CISD2: variants seen among roughly 807,000 people sequenced by gnomAD.
CISD2 encodes the protein CDGSH iron-sulfur domain-containing protein 2.
CISD2 carries 1 observed loss-of-function variant against 12.9 expected under a neutral mutation model. The ratio of observed to expected loss-of-function variants is 0.08; its 90% confidence interval spans 0.03 to 0.37. The LOEUF is 0.37. Among genes scored for constraint, CISD2 ranks in the 10% least tolerant of loss-of-function variants. The pLI, the probability that CISD2 is intolerant of heterozygous loss-of-function variation, is 0.99. For missense variants in CISD2, 97 were observed against 163.1 expected (o/e 0.59, Z 2.21); for synonymous variants, 50 against 60.6 (o/e 0.83, Z 0.81).
At chr4:102,869,892 T>C (rs1294422598) in intron 1 of CISD2, among the ~76,000 whole-genome samples, 1 of 152,212 alleles carries the variant, frequency 6.6e-6, no homozygotes, top group Non-Finnish European at 1.5e-5. Context: ...CGTTCTATAC[T>C]TAAGGACCCT....
At chr4:102,872,295 C>G (rs1437428477) in intron 1 of CISD2, among the ~76,000 whole-genome samples, 1 of 152,138 alleles carries the variant, frequency 6.6e-6, no homozygotes, top group Non-Finnish European at 1.5e-5. Flanking sequence ...GTCTTGAACT[C>G]CTGACCTCAG....
intron 1 of CISD2, among the ~76,000 whole-genome samples, chr4:102,870,770 C>T (rs1188898769): frequency 6.6e-6 from 1 of 152,156 alleles, no homozygotes; most frequent in African/African-American, 2.4e-5. Flanking sequence ...AAGTACTTTA[C>T]ATATTTTAAT....
At chr4:102,885,473 A>G in intron 2 of CISD2, 43 bp downstream of exon 2, 1 of 1,503,328 alleles carries the variant, frequency 6.7e-7, no homozygotes, top group Non-Finnish European at 9.2e-7. Context: ...TTGCAGTGCT[A>G]GGATTGTTTC....
intron 1 of CISD2, among the ~76,000 whole-genome samples, chr4:102,873,164 A>G (rs72663167): frequency 2.2e-4 from 34 of 152,310 alleles, no homozygotes; most frequent in Non-Finnish European, 4.1e-4. Context: ...TTCCCTTGGC[A>G]CGAGATTATG....
intron 1 of CISD2, among the ~76,000 whole-genome samples, chr4:102,873,840 C>T (rs991766207): frequency 2.1e-4 from 31 of 150,160 alleles, no homozygotes; most frequent in African/African-American, 7.4e-4. Flanking sequence ...ATTGGCAAAA[C>T]AGGCCAGGTA....
At chr4:102,869,547 C>G in intron 1 of CISD2, 1 of 701,794 alleles carries the variant, frequency 1.4e-6, no homozygotes, top group African/African-American at 1.7e-5. Flanking sequence ...CGGGCTAAGT[C>G]GTCGTTATCT....
At chr4:102,869,567 T>A in intron 1 of CISD2, 4 of 699,556 alleles carry the variant, frequency 5.7e-6, no homozygotes, top group South Asian at 3.0e-5. Flanking sequence ...TAAGGCCTCA[T>A]GTAACAGGCA....
At chr4:102,879,225 C>T (rs1010312154) in intron 1 of CISD2, among the ~76,000 whole-genome samples, 8 of 151,892 alleles carry the variant, frequency 5.3e-5, no homozygotes, top group African/African-American at 1.9e-4. Context: ...AGAGCCAAAC[C>T]ATATTAGTAG....
intron 1 of CISD2, among the ~76,000 whole-genome samples, chr4:102,882,375 G>A (rs1214515112): frequency 6.6e-6 from 1 of 152,164 alleles, no homozygotes; most frequent in Non-Finnish European, 1.5e-5. Flanking sequence ...CCAATTGCAA[G>A]CTAAGATAAT....
intron 1 of CISD2, 57 bp downstream of exon 1, chr4:102,869,244 G>C: frequency 3.2e-6 from 5 of 1,555,316 alleles, no homozygotes; most frequent in Non-Finnish European, 4.4e-6. Flanking sequence ...GCGGGGGAAG[G>C]AGGCGTAAAA....
intron 1 of CISD2, 136 bp downstream of exon 1, chr4:102,869,323 G>A (rs1733355477): frequency 1.6e-6 from 2 of 1,223,184 alleles, no homozygotes; most frequent in Non-Finnish European, 2.3e-6. Flanking sequence ...GAGGAAGGTG[G>A]GCGCGCGCCG....
chr4:102,888,617 A>T lies in CISD2; in HGVS notation c.*1187A>T, dbSNP rs1015615946. 6.6e-6 allele frequency: 1 copy of T among 152,242 alleles called. No homozygotes were observed. Among genetic ancestry groups the T allele is most frequent in the African/African-American group, 2.4e-5 (1 of 41,456 alleles). 9.4% of individuals were successfully genotyped at this position (152,242 alleles called of 1,614,324 possible). ...TACTATTATGAATCTTTTTAGTTTC[A>T]TCTTACATTACTACTCTCATAATAG... On this transcript the variant is annotated 3_prime_UTR_variant, in exon 3 of 3. Coordinates refer to ENST00000273986, the MANE Select transcript of CISD2 (RefSeq NM_001008388.5).
rs1311320737 is a variant in CISD2 at position 102,888,207 on chromosome 4, G to C, written c.*777G>C. On this transcript the variant is annotated 3_prime_UTR_variant, in exon 3 of 3. Coordinates refer to ENST00000273986, the MANE Select transcript of CISD2 (RefSeq NM_001008388.5). ...TAAGACATTAATTCATATTAAAATA[G>C]TTCAGTGTTCAAAATTGTGTTTATG... 6.6e-6 allele frequency: 1 copy of C among 152,064 alleles called. No individual in the cohort carries two copies. Among genetic ancestry groups the C allele is most frequent in the Non-Finnish European group, 1.5e-5 (1 of 68,030 alleles). 9.4% of individuals were successfully genotyped at this position (152,064 alleles called of 1,614,324 possible).
intron 1 of CISD2, among the ~76,000 whole-genome samples, chr4:102,874,994 A>C (rs117021890): frequency 6.6e-6 from 1 of 152,220 alleles, no homozygotes; most frequent in Non-Finnish European, 1.5e-5. Context: ...CTAATATTCA[A>C]ATATTTCAGT....
At chr4:102,880,688 AT>A (rs1337852484) in intron 1 of CISD2, among the ~76,000 whole-genome samples, 3,333 of 148,760 alleles carry the variant, frequency 0.022, 99 homozygotes, top group African/African-American at 0.063. Flanking sequence ...TAAAAAAAAA[AT>A]ATATTTTAAA....
chr4:102,875,362 C>A (rs1036715308), intron 1 of CISD2, among the ~76,000 whole-genome samples: 2 of 152,190 alleles, frequency 1.3e-5, no homozygotes, highest in African/African-American at 4.8e-5. Flanking sequence ...GTATTATGAT[C>A]GTCTTTTATA....
chr4:102,875,481 T>TTA (rs1219121682), intron 1 of CISD2, among the ~76,000 whole-genome samples: 3 of 152,242 alleles, frequency 2.0e-5, no homozygotes, highest in African/African-American at 4.8e-5. Context: ...GAGTGAGGTA[T>TTA]TACAATTTTA....
intron 1 of CISD2, among the ~76,000 whole-genome samples, chr4:102,874,085 C>A (rs1467635893): frequency 6.7e-6 from 1 of 149,310 alleles, no homozygotes; most frequent in African/African-American, 2.5e-5. Context: ...GAGATCGTGC[C>A]ACTGCACTCC....
intron 1 of CISD2, among the ~76,000 whole-genome samples, chr4:102,875,141 C>T (rs1333990762): frequency 6.6e-6 from 1 of 152,254 alleles, no homozygotes; most frequent in Non-Finnish European, 1.5e-5. Flanking sequence ...TTCCCAGACA[C>T]TTAATGCATG....
Sources: allele counts gnomAD v4.1 joint callset (sites outside exome capture counted in the v4.1 genomes callset), GRCh38; gene constraint gnomAD v4.1.1; transcripts MANE v1.5; gene names NCBI Gene and HGNC (gene_info 2026-07-23, HGNC 2026-07-21).